MYO3A: variants seen among roughly 807,000 people sequenced by gnomAD.
The protein encoded by MYO3A is myosin IIIA, also known as myosin-IIIa.
MYO3A carries 180 observed loss-of-function variants against 192.7 expected under a neutral mutation model. The observed-to-expected ratio is 0.93, with a 90% CI of 0.83 to 1.06. The LOEUF (loss-of-function observed/expected upper bound fraction) is 1.06, where lower values mean the gene tolerates loss of function less well. Ranked by LOEUF, MYO3A falls within the 50% of genes least tolerant of loss-of-function variation. MYO3A has a pLI of 0.00. For synonymous variants in MYO3A, 628 were observed against 645.3 expected, an observed-to-expected ratio of 0.97 and a Z score of 0.41; for missense variants, 1,896 against 1,905.0, an observed-to-expected ratio of 1.00 and a Z score of 0.09.
At chr10:25,963,524 G>T (rs903518173) in intron 4 of MYO3A, among the ~76,000 whole-genome samples, 1 of 152,154 alleles carries the variant, frequency 6.6e-6, no homozygotes, top group South Asian at 2.1e-4. Flanking sequence ...AAGCCTTTGC[G>T]GACTTGTATA....
chr10:26,037,804 C>T (rs1387871334), intron 10 of MYO3A, among the ~76,000 whole-genome samples: 11 of 147,748 alleles, frequency 7.4e-5, no homozygotes, highest in South Asian at 2.1e-4. Context: ...CTTCACATGG[C>T]GTCAGGAGTG....
chr10:26,185,912 G>T (rs1198105129), intron 31 of MYO3A, among the ~76,000 whole-genome samples: 1 of 151,996 alleles, frequency 6.6e-6, no homozygotes, highest in Admixed American at 6.6e-5. Flanking sequence ...CAATACCTTT[G>T]CAGGAATCCC....
chr10:26,050,618 T>A (rs1039592800), intron 10 of MYO3A, among the ~76,000 whole-genome samples: 3 of 152,216 alleles, frequency 2.0e-5, no homozygotes, highest in Non-Finnish European at 4.4e-5. Context: ...AGAATAACCA[T>A]CAAATAGTCT....
intron 6 of MYO3A, among the ~76,000 whole-genome samples, chr10:26,002,643 G>C (rs1406295975): frequency 6.6e-6 from 1 of 152,030 alleles, no homozygotes; most frequent in Admixed American, 6.6e-5. Flanking sequence ...GAATGAGTCA[G>C]GGTGGACCAG....
intron 4 of MYO3A, among the ~76,000 whole-genome samples, chr10:25,960,021 C>T (rs879453469): frequency 6.6e-5 from 10 of 152,060 alleles, no homozygotes; most frequent in Admixed American, 2.0e-4. Context: ...GCAAAAGAAC[C>T]ACACAAAGGA....
At chr10:26,096,286 C>A in intron 15 of MYO3A, 95 bp from the exon 16 acceptor site, 1 of 891,586 alleles carries the variant, frequency 1.1e-6, no homozygotes, top group South Asian at 1.5e-5. Flanking sequence ...CCCATATCAG[C>A]ACTCACAGTC....
At chr10:26,141,363 T>C (rs757349561) in intron 20 of MYO3A, among the ~76,000 whole-genome samples, 3 of 152,234 alleles carry the variant, frequency 2.0e-5, no homozygotes, top group Non-Finnish European at 4.4e-5. Flanking sequence ...TTTTAGGCAT[T>C]ATAATTTTGC....
At chr10:25,993,993 ATT>A (rs949672135) in intron 4 of MYO3A, among the ~76,000 whole-genome samples, 2 of 152,100 alleles carry the variant, frequency 1.3e-5, no homozygotes, top group Non-Finnish European at 2.9e-5. Flanking sequence ...TATTCTGTTG[ATT>A]TGGGGTAGAG....
rs191154975 is a variant in MYO3A, at chr10:26,053,518, T to A, written c.954-13457T>A. Among the ~76,000 whole-genome samples, 13 of 152,198 alleles carry A rather than the reference T, an allele frequency of 8.5e-5. 1 individual carries two copies. The highest frequency in any genetic ancestry group is 3.1e-4 in the African/African-American group (13 of 41,550). On this transcript the variant is annotated intron_variant, in intron 10 of 34. Coordinates refer to ENST00000642920, the MANE Select transcript of MYO3A (RefSeq NM_017433.5). ...TTGAGCAGTGTAGTATATCACATGGTGATGCATGCTAAAGAAAAATAGAGC... is the reference window on the plus strand; with the variant it reads ...TTGAGCAGTGTAGTATATCACATGGAGATGCATGCTAAAGAAAAATAGAGC...
intron 23 of MYO3A, among the ~76,000 whole-genome samples, chr10:26,151,906 T>C (rs1333774130): frequency 6.6e-6 from 1 of 152,234 alleles, no homozygotes; most frequent in African/African-American, 2.4e-5. Flanking sequence ...CTGTTTTTCA[T>C]TTTGTATGTC....
At chr10:26,072,729 G>A (rs906992941) in intron 14 of MYO3A, among the ~76,000 whole-genome samples, 1 of 151,834 alleles carries the variant, frequency 6.6e-6, no homozygotes, top group Non-Finnish European at 1.5e-5. Flanking sequence ...GGACTATTGG[G>A]TTTCATATGG....
chr10:26,147,356 A>T, intron 22 of MYO3A, 74 bp from the exon 23 acceptor site: 4 of 1,396,576 alleles, frequency 2.9e-6, no homozygotes, highest in Non-Finnish European at 3.0e-6. Flanking sequence ...TCTGTTGTTG[A>T]TGATGATGAT....
chr10:26,093,259 T>G (rs1257504280), intron 15 of MYO3A, among the ~76,000 whole-genome samples: 1 of 152,218 alleles, frequency 6.6e-6, no homozygotes, highest in Non-Finnish European at 1.5e-5. Flanking sequence ...TTGTTAGCAC[T>G]TAACTGATAC....
chr10:26,060,938 T>TA (rs1243680509), intron 10 of MYO3A, among the ~76,000 whole-genome samples: 1 of 43,596 alleles, frequency 2.3e-5, no homozygotes, highest in Non-Finnish European at 7.4e-5. Flanking sequence ...TTTTATTTTA[T>TA]TTTTTTTTGA....
chr10:26,201,618 G>C (rs1256254981), intron 33 of MYO3A, among the ~76,000 whole-genome samples: 3 of 151,734 alleles, frequency 2.0e-5, no homozygotes, highest in Admixed American at 6.6e-5. Context: ...CCCGGGAGAC[G>C]GAGCTTGCCG....
intron 20 of MYO3A, among the ~76,000 whole-genome samples, chr10:26,129,453 C>A (rs1839410935): frequency 6.6e-6 from 1 of 152,124 alleles, no homozygotes; most frequent in African/African-American, 2.4e-5. Context: ...TCTGTCGGTG[C>A]CCTCCCATAG....
At chr10:25,944,803 C>T (rs571390797) in intron 2 of MYO3A, among the ~76,000 whole-genome samples, 106 of 152,084 alleles carry the variant, frequency 7.0e-4, no homozygotes, top group African/African-American at 2.4e-3. Context: ...CCTAGTAAAT[C>T]TGCTTAAAGG....
intron 6 of MYO3A, among the ~76,000 whole-genome samples, chr10:26,003,636 G>A (rs889100556): frequency 6.6e-6 from 1 of 152,028 alleles, no homozygotes; most frequent in Non-Finnish European, 1.5e-5. Flanking sequence ...TGACTTCCCA[G>A]GAGATAGATC....
chr10:25,988,272 G>A (rs945576297), intron 4 of MYO3A, among the ~76,000 whole-genome samples: 5 of 152,006 alleles, frequency 3.3e-5, no homozygotes, highest in South Asian at 2.1e-4. Flanking sequence ...TACACAGCTC[G>A]GGTGATGGGT....
Sources: gnomAD v4.1 joint callset for allele counts (sites outside exome capture counted in the v4.1 genomes callset) on GRCh38, gnomAD v4.1.1 for gene constraint, MANE v1.5 for transcripts, NCBI Gene and HGNC (gene_info 2026-07-23, HGNC 2026-07-21) for gene names.